Variants in EFHC2 observed in about 807,000 individuals in gnomAD.
EFHC2 encodes the protein EF-hand domain-containing family member C2.
Under a neutral mutation model 52.7 loss-of-function variants are expected in EFHC2, and 18 were observed. That is an observed-to-expected ratio of 0.34 (90% CI 0.24 to 0.51). The LOEUF is 0.51. Among genes scored for constraint, EFHC2 ranks in the 20% least tolerant of loss-of-function variants. The pLI, the probability that EFHC2 is intolerant of heterozygous loss-of-function variation, is 0.97. For synonymous variants in EFHC2, 203 were observed against 204.1 expected, an observed-to-expected ratio of 0.99 and a Z score of 0.04; for missense variants, 513 against 562.5, an observed-to-expected ratio of 0.91 and a Z score of 0.89.
At chrX:44,210,081 T>G (rs183693860) in intron 11 of EFHC2, among the ~76,000 whole-genome samples, 2 of 110,952 alleles carry the variant, frequency 1.8e-5, no homozygotes, top group East Asian at 5.7e-4. Context: ...TGAATCATCC[T>G]GAAACCATCT....
intron 3 of EFHC2, among the ~76,000 whole-genome samples, chrX:44,261,518 G>T (rs916979207): frequency 1.8e-5 from 2 of 110,659 alleles, no homozygotes; most frequent in Non-Finnish European, 3.8e-5. Flanking sequence ...TGTGGTTAGA[G>T]TTGCCTAAGT....
chrX:44,250,660 TA>T lies in EFHC2; in HGVS notation c.607-216del, dbSNP rs751502202. ...GGCAACATGGCAAAAACACAACTCT[TA>T]AAAAAAAAAAAAAATTAGGCAGATG... On this transcript the variant is annotated intron_variant, in intron 4 of 14. Transcript: ENST00000420999. 7.0e-3 allele frequency among the ~76,000 whole-genome samples: 648 copies of T among 92,988 alleles called. 3 individuals carry two copies. The highest frequency in any genetic ancestry group is 8.6e-3 in the Non-Finnish European group (399 of 46,238). 80.7% of individuals were successfully genotyped at this position (92,988 alleles called of 115,157 possible). A position where few individuals can be genotyped will look rare whatever the true frequency, so the allele number is the denominator to read the frequency against.
intron 14 of EFHC2, among the ~76,000 whole-genome samples, chrX:44,150,254 A>G (rs1224991076): frequency 8.9e-6 from 1 of 112,128 alleles, no homozygotes; most frequent in Non-Finnish European, 1.9e-5. Flanking sequence ...AGCAAGCTGA[A>G]TAAGTGGTGA....
chrX:44,156,623 G>A (rs890586474), intron 14 of EFHC2, among the ~76,000 whole-genome samples: 7 of 112,322 alleles, frequency 6.2e-5, no homozygotes, highest in African/African-American at 2.3e-4. Flanking sequence ...GAGTGCTTTA[G>A]AGCTGACTGC....
intron 11 of EFHC2, among the ~76,000 whole-genome samples, chrX:44,190,654 T>C (rs2036912651): frequency 9.1e-6 from 1 of 109,843 alleles, no homozygotes; most frequent in Non-Finnish European, 1.9e-5. Flanking sequence ...AGCAGGTTCT[T>C]GAATAACATC....
chrX:44,288,621 G>C (rs764514682), intron 2 of EFHC2, among the ~76,000 whole-genome samples: 16 of 111,539 alleles, frequency 1.4e-4, no homozygotes, highest in African/African-American at 4.9e-4. Context: ...TACTTTCTCT[G>C]AGTTTATGAT....
intron 11 of EFHC2, among the ~76,000 whole-genome samples, chrX:44,187,765 G>C (rs374339065): frequency 9.1e-6 from 1 of 110,114 alleles, no homozygotes; most frequent in East Asian, 2.9e-4. Flanking sequence ...ACTCCAGCCT[G>C]GGTGACAGAG....
chrX:44,157,228 G>A (rs888078745), intron 14 of EFHC2, among the ~76,000 whole-genome samples: 4 of 112,106 alleles, frequency 3.6e-5, no homozygotes, highest in African/African-American at 1.3e-4. Flanking sequence ...ACATGTAGGG[G>A]AGCCACCTCT....
rs530219266 is a variant in EFHC2 at position 44,270,598 on chromosome X, G to A, written c.382+2088C>T. ...AAAGATAACTGATTTTCAGTAGGTC[G>A]TAAATATACATGAGGCACCTGGACT... On this transcript the variant is annotated intron_variant, in intron 3 of 14. Transcript: ENST00000420999. Among the ~76,000 whole-genome samples, 5 of 111,708 alleles carry A rather than the reference G, an allele frequency of 4.5e-5. No individual in the cohort carries two copies. In the South Asian group the frequency reaches 1.9e-3, roughly 42 times the overall value.
intron 9 of EFHC2, among the ~76,000 whole-genome samples, chrX:44,233,182 C>T (rs1240918928): frequency 2.7e-5 from 3 of 111,533 alleles, no homozygotes; most frequent in Non-Finnish European, 5.6e-5. Context: ...CACGTTTGAA[C>T]AGTACCAGTT....
intron 2 of EFHC2, among the ~76,000 whole-genome samples, chrX:44,287,460 T>C (rs1188286480): frequency 9.0e-6 from 1 of 111,569 alleles, no homozygotes; most frequent in African/African-American, 3.3e-5. Flanking sequence ...GTGAGCAATG[T>C]AGTTCTGAGT....
rs780336003 is a variant in EFHC2 at position 44,229,646 on chromosome X, T to C, written c.1751+3A>G. ...AGGTGATTGTTAGCAGAATATGGCT[T>C]ACCTGAATGTATTATAATCCACCAT... On this transcript the variant is annotated splice_donor_region_variant and intron_variant, in intron 11 of 14. Coordinates refer to ENST00000420999, the MANE Select transcript of EFHC2 (RefSeq NM_025184.4). 10 of 1,210,902 alleles carry C rather than the reference T, an allele frequency of 8.3e-6. No homozygotes were observed. In the East Asian group the frequency reaches 2.7e-4, roughly 32 times the overall value.
chrX:44,193,673 T>C (rs1313634260), intron 11 of EFHC2, among the ~76,000 whole-genome samples: 3 of 111,740 alleles, frequency 2.7e-5, no homozygotes, highest in Non-Finnish European at 3.8e-5. Flanking sequence ...ACAGGCTCTG[T>C]CACAGATGGC....
chrX:44,209,901 A>G (rs1569284318), intron 11 of EFHC2, among the ~76,000 whole-genome samples: 1 of 110,511 alleles, frequency 9.0e-6, no homozygotes, highest in African/African-American at 3.3e-5. Flanking sequence ...GTTGCACGCT[A>G]CTTATGAGAA....
intron 2 of EFHC2, chrX:44,309,855 A>G (rs879134186): frequency 1.1e-5 from 13 of 1,179,371 alleles, no homozygotes; most frequent in Non-Finnish European, 1.3e-5. Flanking sequence ...GCAAGGCCCA[A>G]TCTGCCTTCT....
intron 11 of EFHC2, among the ~76,000 whole-genome samples, chrX:44,219,879 G>C (rs1460182545): frequency 9.0e-6 from 1 of 111,337 alleles, no homozygotes; most frequent in African/African-American, 3.3e-5. Flanking sequence ...CTTGACTTTT[G>C]CTCAGAACAT....
chrX:44,255,172 C>T (rs2147340627), intron 4 of EFHC2, among the ~76,000 whole-genome samples: 1 of 112,113 alleles, frequency 8.9e-6, no homozygotes, highest in South Asian at 3.7e-4. Flanking sequence ...CAAAAACATA[C>T]CAAATTATAA....
intron 3 of EFHC2, among the ~76,000 whole-genome samples, chrX:44,263,218 C>T (rs2037554146): frequency 8.9e-6 from 1 of 112,405 alleles, no homozygotes; most frequent in Middle Eastern, 4.6e-3. Context: ...CTTGTGGGAA[C>T]TCTGCATGGA....
intron 2 of EFHC2, chrX:44,310,494 GGA>G (rs978128918): frequency 8.0e-6 from 4 of 502,243 alleles, no homozygotes; most frequent in Non-Finnish European, 1.2e-5. Context: ...GCGCGGCAAA[GGA>G]GAGTGAGGGG....
Sources: gnomAD v4.1 joint callset for allele counts (sites outside exome capture counted in the v4.1 genomes callset) on GRCh38, gnomAD v4.1.1 for gene constraint, MANE v1.5 for transcripts, NCBI Gene and HGNC (gene_info 2026-07-23, HGNC 2026-07-21) for gene names.